Variants in EYA4 observed in about 807,000 individuals in gnomAD.
EYA4 encodes the protein EYA transcriptional coactivator and phosphatase 4.
Under a neutral mutation model 87.9 loss-of-function variants are expected in EYA4, and 31 were observed. The observed-to-expected ratio is 0.35, with a 90% CI of 0.27 to 0.48. The LOEUF (loss-of-function observed/expected upper bound fraction) is 0.48. EYA4 is among the 20% of genes least tolerant of loss of function. The pLI, the probability that EYA4 is intolerant of heterozygous loss-of-function variation, is 0.99. For synonymous variants in EYA4, 263 were observed against 270.6 expected (o/e 0.97, Z 0.28); for missense variants, 678 against 761.4 (o/e 0.89, Z 1.29).
chr6:133,341,670 AC>A (rs1456519513), intron 2 of EYA4, among the ~76,000 whole-genome samples: 1 of 150,834 alleles, frequency 6.6e-6, no homozygotes, highest in African/African-American at 2.4e-5. Context: ...TAAAAAAAAA[AC>A]ATTGACTCAC....
intron 5 of EYA4, chr6:133,453,706 C>A (rs1464140867): frequency 3.3e-5 from 5 of 152,028 alleles, no homozygotes; most frequent in African/African-American, 1.2e-4. Context: ...CCATTTTGTT[C>A]TACCCTTGCA....
At position 133,528,953 on chromosome 6, in the gene EYA4, A is replaced by G; in HGVS notation, c.*148A>G. 1 of 1,515,642 alleles carries G rather than the reference A, an allele frequency of 6.6e-7. No individual in the cohort carries two copies. Among genetic ancestry groups the G allele is most frequent in the Non-Finnish European group, 8.9e-7 (1 of 1,128,630 alleles). 93.9% of individuals were successfully genotyped at this position (1,515,642 alleles called of 1,614,324 possible). ...AAAAATTCCAGAATGAAGAATTCAG[A>G]TTGCTGAATGGAGTTAAACTTTAGT... On this transcript the variant is annotated 3_prime_UTR_variant, in exon 20 of 20. Coordinates refer to ENST00000355286, the MANE Select transcript of EYA4 (RefSeq NM_004100.5).
chr6:133,273,686 A>C (rs1776924062), intron 1 of EYA4, among the ~76,000 whole-genome samples: 1 of 152,090 alleles, frequency 6.6e-6, no homozygotes, highest in Non-Finnish European at 1.5e-5. Flanking sequence ...TTAGAATTAG[A>C]ATTTGAACAC....
chr6:133,241,079 G>C (rs950043945), upstream of EYA4, among the ~76,000 whole-genome samples: 2 of 152,116 alleles, frequency 1.3e-5, no homozygotes, highest in Non-Finnish European at 2.9e-5. Flanking sequence ...CGGAGATTAC[G>C]GCGGCGCCAC....
chr6:133,513,011 T>C lies in EYA4; in HGVS notation c.1474T>C (p.Tyr492His). ...AFRYRRVKEL[Y>H]NTYKNNVGGL... ...TCGTTACAGAAGAGTAAAAGAATTATATAACACCTACAAGAACAACGTTGG... is the reference window on the plus strand; with the variant it reads ...TCGTTACAGAAGAGTAAAAGAATTACATAACACCTACAAGAACAACGTTGG... Residue 492 changes from tyrosine to histidine, a missense_variant, in exon 16 of 20, where the codon TAT becomes CAT. Physicochemically the swap from Tyr to His is moderately conservative, Grantham distance 83. Transcript: ENST00000355286. 3 of 1,614,108 alleles carry C rather than the reference T, an allele frequency of 1.9e-6. No homozygotes were observed. The highest frequency in any genetic ancestry group is 2.5e-6 in the Non-Finnish European group (3 of 1,179,974).
chr6:133,269,857 T>G (rs986043971), intron 1 of EYA4, among the ~76,000 whole-genome samples: 2 of 152,168 alleles, frequency 1.3e-5, no homozygotes, highest in African/African-American at 4.8e-5. Flanking sequence ...AACTTACCCT[T>G]AACAATCACA....
At chr6:133,395,968 T>C (rs1404989848) in intron 3 of EYA4, among the ~76,000 whole-genome samples, 1 of 152,204 alleles carries the variant, frequency 6.6e-6, no homozygotes, top group Non-Finnish European at 1.5e-5. Flanking sequence ...ACCAAAGGTT[T>C]TTGAAATAAA....
At chr6:133,494,232 T>G (rs1256902901) in intron 13 of EYA4, among the ~76,000 whole-genome samples, 1 of 152,218 alleles carries the variant, frequency 6.6e-6, no homozygotes, top group African/African-American at 2.4e-5. Context: ...AGTGGAGTAC[T>G]ATTCAGCCAT....
chr6:133,525,163 G>A lies in EYA4; in HGVS notation c.1748G>A (p.Ser583Asn). The A allele has an allele frequency of 1.9e-6, 3 of 1,613,722 alleles. No homozygotes were observed. The highest frequency in any genetic ancestry group is 2.5e-6 in the Non-Finnish European group (3 of 1,179,770). Residue 583 changes from serine (S) to asparagine (N), a missense_variant, in exon 19 of 20, where the codon AGT becomes AAT. Coordinates refer to ENST00000355286, the MANE Select transcript of EYA4 (RefSeq NM_004100.5). ...CTCATTTATCTTCCAGGAAAAGAAAGTTGCTTTGAACGAATAATGCAAAGG... is the reference window on the plus strand; with the variant it reads ...CTCATTTATCTTCCAGGAAAAGAAAATTGCTTTGAACGAATAATGCAAAGG... ...IYSATKIGKE[S>N]CFERIMQRFG... is the part of the protein sequence containing the mutation.
rs528078099 is a variant in EYA4, at chr6:133,261,306, T to C, written c.-65-13410T>C. Among the ~76,000 whole-genome samples the C allele has an allele frequency of 2.0e-5, 3 of 152,356 alleles. No homozygotes were observed. In the South Asian group the frequency reaches 6.2e-4, roughly 32 times the overall value. ...TTGGGGGTTTTAAGGCTTTTAAGGT[T>C]ATCAAAATATTGTAATAACCAATTG... On this transcript the variant is annotated intron_variant, in intron 1 of 19. Transcript: ENST00000355286.
intron 5 of EYA4, 137 bp downstream of exon 5, chr6:133,448,316 A>C: frequency 1.4e-6 from 1 of 723,972 alleles, no homozygotes; most frequent in African/African-American, 1.7e-5. Context: ...CATGCCTTTT[A>C]GTTGTTTATT....
rs3065337 is a variant in EYA4, at chr6:133,276,901, C to CA, written c.33+2105dup. Among the ~76,000 whole-genome samples, 491 of 133,700 alleles carry CA rather than the reference C, an allele frequency of 3.7e-3. 2 individuals carry two copies. The highest frequency in any genetic ancestry group is 9.4e-3 in the African/African-American group (346 of 36,990). 87.7% of individuals were successfully genotyped at this position (133,700 alleles called of 152,430 possible). On this transcript the variant is annotated intron_variant, in intron 2 of 19. Transcript: ENST00000355286. ...CATATTGTGGCATTTATAGAAATGT[C>CA]AAAAAAAAAAAAAAAAAGAAAAGAA...
intron 13 of EYA4, among the ~76,000 whole-genome samples, chr6:133,500,400 C>T (rs1046807562): frequency 6.6e-6 from 1 of 152,000 alleles, no homozygotes; most frequent in Non-Finnish European, 1.5e-5. Context: ...CTATCCTTTC[C>T]TCATTATTTC....
intron 17 of EYA4, among the ~76,000 whole-genome samples, chr6:133,522,441 T>C (rs1800268959): frequency 6.6e-6 from 1 of 152,024 alleles, no homozygotes; most frequent in Non-Finnish European, 1.5e-5. Flanking sequence ...AGGCTCATGA[T>C]ATAAATACAT....
chr6:133,416,808 C>A (rs937379490), intron 3 of EYA4, among the ~76,000 whole-genome samples: 3 of 152,220 alleles, frequency 2.0e-5, no homozygotes, highest in Non-Finnish European at 4.4e-5. Flanking sequence ...CTTCACATAC[C>A]TTGACTCACA....
chr6:133,320,848 T>A (rs1037122925), intron 2 of EYA4, among the ~76,000 whole-genome samples: 2 of 152,204 alleles, frequency 1.3e-5, no homozygotes, highest in Admixed American at 1.3e-4. Flanking sequence ...GCAGGAGACA[T>A]GATTTCACTC....
intron 2 of EYA4, among the ~76,000 whole-genome samples, chr6:133,376,399 C>T (rs1380403720): frequency 6.6e-6 from 1 of 151,662 alleles, no homozygotes; most frequent in East Asian, 1.9e-4. Context: ...TATAGTATGT[C>T]CTAAGACTCA....
chr6:133,308,543 C>G (rs989666095), intron 2 of EYA4, among the ~76,000 whole-genome samples: 1 of 152,188 alleles, frequency 6.6e-6, no homozygotes, highest in Non-Finnish European at 1.5e-5. Flanking sequence ...CTCTCTCCCT[C>G]CTTCCCCTTT....
chr6:133,475,100 T>G (rs145003088), intron 11 of EYA4, among the ~76,000 whole-genome samples: 1 of 152,230 alleles, frequency 6.6e-6, no homozygotes, highest in African/African-American at 2.4e-5. Flanking sequence ...TTGTAATGAC[T>G]GATGTTACTT....
Sources: allele counts gnomAD v4.1 joint callset (sites outside exome capture counted in the v4.1 genomes callset), GRCh38; gene constraint gnomAD v4.1.1; transcripts MANE v1.5; gene names NCBI Gene and HGNC (gene_info 2026-07-23, HGNC 2026-07-21).